The following CYP7B1 variants were observed in gnomAD, a reference collection of about 807,000 sequenced individuals.
CYP7B1 encodes cytochrome P450 family 7 subfamily B member 1, also known as cytochrome P450 7B1.
In CYP7B1, 29 loss-of-function variants were observed where a neutral mutation model predicts 42.7. That is an observed-to-expected ratio of 0.68 (90% CI 0.51 to 0.93). The LOEUF is 0.93. Among genes scored for constraint, CYP7B1 ranks in the 40% least tolerant of loss-of-function variants. The probability of loss-of-function intolerance (pLI) is 0.00; values close to 1 mark genes in which losing one functional copy is unlikely to be tolerated. For synonymous variants in CYP7B1, 235 were observed against 218.2 expected, an observed-to-expected ratio of 1.08 and a Z score of -0.68; for missense variants, 655 against 600.5, an observed-to-expected ratio of 1.09 and a Z score of -0.95.
At chr8:64,669,330 T>C (rs1806330382) in intron 1 of CYP7B1, among the ~76,000 whole-genome samples, 1 of 151,568 alleles carries the variant, frequency 6.6e-6, no homozygotes, top group Middle Eastern at 3.2e-3. Context: ...ACGTTACACA[T>C]AACTCTATTC....
intron 1 of CYP7B1, chr8:64,704,172 C>CT (rs888749198): frequency 2.2e-4 from 34 of 151,958 alleles, no homozygotes; most frequent in African/African-American, 8.2e-4. Flanking sequence ...AATAAAAACT[C>CT]TTTTTTTAAC....
chr8:64,733,717 T>C (rs934119428), intron 1 of CYP7B1, among the ~76,000 whole-genome samples: 2 of 152,136 alleles, frequency 1.3e-5, no homozygotes, highest in Non-Finnish European at 2.9e-5. Flanking sequence ...ATGCTTGCAA[T>C]CCCAGCTGCC....
intron 1 of CYP7B1, among the ~76,000 whole-genome samples, chr8:64,632,123 T>C (rs1398344366): frequency 1.3e-5 from 2 of 152,198 alleles, no homozygotes; most frequent in Admixed American, 6.5e-5. Context: ...ATTAGCATTC[T>C]AGTGTTCTTG....
At chr8:64,707,005 T>G (rs968482856) in intron 1 of CYP7B1, among the ~76,000 whole-genome samples, 62 of 152,062 alleles carry the variant, frequency 4.1e-4, no homozygotes, top group African/African-American at 1.5e-3. Flanking sequence ...AAAATCAGAC[T>G]TTATATTAGA....
At chr8:64,714,710 T>A (rs766992117) in intron 1 of CYP7B1, among the ~76,000 whole-genome samples, 1 of 152,214 alleles carries the variant, frequency 6.6e-6, no homozygotes, top group Admixed American at 6.5e-5. Context: ...TTCTGTGTCA[T>A]GTAACGTATG....
intron 1 of CYP7B1, among the ~76,000 whole-genome samples, chr8:64,737,766 T>C (rs1046240372): frequency 1.3e-5 from 2 of 152,220 alleles, no homozygotes; most frequent in African/African-American, 4.8e-5. Flanking sequence ...TCTATTTTTT[T>C]TCTTCTGACT....
At chr8:64,722,040 C>T (rs1408451778) in intron 1 of CYP7B1, among the ~76,000 whole-genome samples, 1 of 152,108 alleles carries the variant, frequency 6.6e-6, no homozygotes, top group Non-Finnish European at 1.5e-5. Context: ...GCACACAATG[C>T]TTTTCTTGTT....
At chr8:64,639,159 T>TA (rs934597912) in intron 1 of CYP7B1, among the ~76,000 whole-genome samples, 34 of 147,780 alleles carry the variant, frequency 2.3e-4, no homozygotes, top group Admixed American at 6.1e-4. Context: ...GTTAGATTTG[T>TA]AAAAAAAAAA....
At chr8:64,745,296 A>T (rs1047869823) in intron 1 of CYP7B1, among the ~76,000 whole-genome samples, 2 of 152,168 alleles carry the variant, frequency 1.3e-5, no homozygotes, top group Non-Finnish European at 2.9e-5. Context: ...CAATATCAAG[A>T]TTGTTTCTAC....
intron 1 of CYP7B1, among the ~76,000 whole-genome samples, chr8:64,670,390 T>C (rs1806348222): frequency 6.6e-6 from 1 of 152,188 alleles, no homozygotes; most frequent in African/African-American, 2.4e-5. Context: ...TTTATAATTT[T>C]TATAAGTACA....
At chr8:64,632,839 T>C (rs1407511475) in intron 1 of CYP7B1, among the ~76,000 whole-genome samples, 1 of 151,808 alleles carries the variant, frequency 6.6e-6, no homozygotes, top group East Asian at 1.9e-4. Context: ...AAGTCCTAGC[T>C]AATGCAGTAA....
intron 1 of CYP7B1, among the ~76,000 whole-genome samples, chr8:64,684,111 G>C (rs1486405757): frequency 6.6e-6 from 1 of 152,206 alleles, no homozygotes; most frequent in African/African-American, 2.4e-5. Flanking sequence ...AACCCCATGA[G>C]GGCACAGGCT....
chr8:64,627,279 C>A lies in CYP7B1; in HGVS notation c.123-2740G>T, dbSNP rs554216324. 5.9e-5 allele frequency among the ~76,000 whole-genome samples: 9 copies of A among 152,240 alleles called. No homozygotes were observed. In the East Asian group the frequency reaches 7.7e-4, roughly 13 times the overall value. ...GAGAAATATAAGAAAACCAAAAAAA[C>A]CATTAATACAGTTAATTCCATATCC... On this transcript the variant is annotated intron_variant, in intron 1 of 5. Transcript: ENST00000310193.
chr8:64,671,132 T>C lies in CYP7B1; in HGVS notation c.123-46593A>G, dbSNP rs199601716. 4.6e-5 allele frequency among the ~76,000 whole-genome samples: 7 copies of C among 151,888 alleles called. No homozygotes were observed. The East Asian group carries it at 1.4e-3, about 29-fold the overall frequency. On this transcript the variant is annotated intron_variant, in intron 1 of 5. Transcript: ENST00000310193. ...AAGTGCAGAAATGAGGATATGAAAG[T>C]AGTAAGTTACAGAATAATAACTATA...
intron 2 of CYP7B1, among the ~76,000 whole-genome samples, chr8:64,623,913 C>A (rs1172301244): frequency 2.0e-5 from 3 of 152,010 alleles, no homozygotes; most frequent in Non-Finnish European, 4.4e-5. Flanking sequence ...TAATGTAAAT[C>A]ATGGATTTTT....
intron 1 of CYP7B1, among the ~76,000 whole-genome samples, chr8:64,718,325 G>A (rs1047978425): frequency 3.9e-5 from 6 of 152,222 alleles, no homozygotes; most frequent in Middle Eastern, 3.4e-3. Context: ...TGTCCATTCT[G>A]ATGCACATCT....
intron 1 of CYP7B1, among the ~76,000 whole-genome samples, chr8:64,695,047 C>T (rs1402166212): frequency 6.6e-6 from 1 of 152,066 alleles, no homozygotes; most frequent in East Asian, 1.9e-4. Flanking sequence ...TGTTGAAAAT[C>T]TGAAATTCAA....
intron 1 of CYP7B1, among the ~76,000 whole-genome samples, chr8:64,630,552 C>A (rs1805680587): frequency 6.6e-6 from 1 of 152,212 alleles, no homozygotes; most frequent in Non-Finnish European, 1.5e-5. Flanking sequence ...TCATTCTCTG[C>A]CTGAACTGTT....
Position 64,735,805 on chromosome 8 carries a change from G to A in CYP7B1, c.122+62661C>T, listed in dbSNP as rs377407132. Among the ~76,000 whole-genome samples the A allele has an allele frequency of 2.6e-5, 4 of 152,106 alleles. No homozygotes were observed. In the East Asian group the frequency reaches 7.7e-4, roughly 29 times the overall value. Reference sequence around the variant, plus strand: ...CTGCAGATGGGATCCTGGGAAAACTGGAAAAGGGTAAGAATTCTCACAGAG... The same window carrying A: ...CTGCAGATGGGATCCTGGGAAAACTAGAAAAGGGTAAGAATTCTCACAGAG... On this transcript the variant is annotated intron_variant, in intron 1 of 5. Transcript: ENST00000310193.
Sources: gnomAD v4.1 joint callset for allele counts (sites outside exome capture counted in the v4.1 genomes callset) on GRCh38, gnomAD v4.1.1 for gene constraint, MANE v1.5 for transcripts, NCBI Gene and HGNC (gene_info 2026-07-23, HGNC 2026-07-21) for gene names.